The following TNFAIP8 variants were observed in gnomAD, a reference collection of about 807,000 sequenced individuals.
TNFAIP8 encodes the protein TNF alpha induced protein 8.
TNFAIP8 carries 7 observed loss-of-function variants against 13.3 expected under a neutral mutation model. The ratio of observed to expected loss-of-function variants is 0.52; its 90% CI spans 0.30 to 0.99. The LOEUF is 0.99. Ranked by LOEUF, TNFAIP8 falls within the 50% of genes least tolerant of loss-of-function variation. The probability of loss-of-function intolerance (pLI) is 0.07; values close to 1 mark genes in which losing one functional copy is unlikely to be tolerated. For synonymous variants in TNFAIP8, 94 were observed against 87.6 expected, an observed-to-expected ratio of 1.07 and a Z score of -0.41; for missense variants, 258 against 236.9, an observed-to-expected ratio of 1.09 and a Z score of -0.58.
intron 1 of TNFAIP8, among the ~76,000 whole-genome samples, chr5:119,272,008 T>C (rs1047729104): frequency 1.3e-5 from 2 of 152,200 alleles, no homozygotes; most frequent in African/African-American, 4.8e-5. Flanking sequence ...TCAGTTGTGC[T>C]GCCCAGTAGC....
intron 1 of TNFAIP8, among the ~76,000 whole-genome samples, chr5:119,380,965 C>T (rs922231918): frequency 1.3e-5 from 2 of 152,174 alleles, no homozygotes; most frequent in East Asian, 1.9e-4. Flanking sequence ...CTACTCACAG[C>T]ATGCCTTTAT....
intron 1 of TNFAIP8, among the ~76,000 whole-genome samples, chr5:119,329,168 C>A (rs927779396): frequency 3.9e-5 from 6 of 152,248 alleles, no homozygotes; most frequent in Non-Finnish European, 8.8e-5. Context: ...GTTTTCCTCG[C>A]TTGTGAAATG....
chr5:119,373,346 A>G (rs1265556707), intron 1 of TNFAIP8, among the ~76,000 whole-genome samples: 2 of 152,252 alleles, frequency 1.3e-5, no homozygotes, highest in East Asian at 1.9e-4. Flanking sequence ...ATGTACTAAG[A>G]CATTTTTCAT....
At chr5:119,292,671 T>TATATATATATAC in intron 1 of TNFAIP8, among the ~76,000 whole-genome samples, 1 of 37,756 alleles carries the variant, frequency 2.6e-5, no homozygotes, top group South Asian at 8.7e-4. Context: ...TATATATATA[T>TATATATATATAC]ATATATATAT....
chr5:119,381,489 A>G (rs1752481709), intron 1 of TNFAIP8, among the ~76,000 whole-genome samples: 1 of 152,120 alleles, frequency 6.6e-6, no homozygotes, highest in African/African-American at 2.4e-5. Context: ...GCAGTGAGCC[A>G]TGATTGCACC....
chr5:119,379,477 A>G (rs944147947), intron 1 of TNFAIP8, among the ~76,000 whole-genome samples: 10 of 152,254 alleles, frequency 6.6e-5, no homozygotes, highest in African/African-American at 2.4e-4. Flanking sequence ...TACAGGATCA[A>G]TAGCACTCTT....
intron 1 of TNFAIP8, among the ~76,000 whole-genome samples, chr5:119,375,176 A>G (rs1752235628): frequency 6.6e-6 from 1 of 152,230 alleles, no homozygotes; most frequent in African/African-American, 2.4e-5. Context: ...CATAATCCCA[A>G]CAGAAAGCAC....
chr5:119,318,418 C>T (rs1749960380), intron 1 of TNFAIP8, among the ~76,000 whole-genome samples: 1 of 152,026 alleles, frequency 6.6e-6, no homozygotes, highest in Admixed American at 6.6e-5. Context: ...CTTCCTGTGT[C>T]GCTGGGACTA....
At chr5:119,368,485 A>T (rs572154645) in intron 1 of TNFAIP8, among the ~76,000 whole-genome samples, 6 of 145,346 alleles carry the variant, frequency 4.1e-5, no homozygotes, top group Non-Finnish European at 7.6e-5. Flanking sequence ...GTTGGGGTTT[A>T]AGAAGCCTTG....
At chr5:119,385,571 A>G (rs971481572) in intron 1 of TNFAIP8, among the ~76,000 whole-genome samples, 1 of 152,198 alleles carries the variant, frequency 6.6e-6, no homozygotes, top group Non-Finnish European at 1.5e-5. Context: ...GTAGTACTAA[A>G]TCTATTGCTA....
intron 1 of TNFAIP8, among the ~76,000 whole-genome samples, chr5:119,376,571 G>A (rs1202378361): frequency 5.0e-5 from 4 of 80,424 alleles, no homozygotes; most frequent in East Asian, 5.8e-4. Context: ...CACCCCCCCC[G>A]TCTTTCTGCT....
chr5:119,330,640 C>T (rs1378821991), intron 1 of TNFAIP8, among the ~76,000 whole-genome samples: 2 of 152,086 alleles, frequency 1.3e-5, no homozygotes, highest in African/African-American at 2.4e-5. Context: ...CACCCACTTT[C>T]GCAGGGTGTG....
At chr5:119,307,142 G>A (rs1749591556) in intron 1 of TNFAIP8, among the ~76,000 whole-genome samples, 1 of 152,134 alleles carries the variant, frequency 6.6e-6, no homozygotes, top group Non-Finnish European at 1.5e-5. Flanking sequence ...GTTCATATTA[G>A]GAAGGAGAGA....
intron 1 of TNFAIP8, among the ~76,000 whole-genome samples, chr5:119,390,451 A>G (rs972049590): frequency 2.0e-5 from 3 of 152,192 alleles, no homozygotes; most frequent in Non-Finnish European, 4.4e-5. Context: ...CTCTTTTGCA[A>G]ATCATTGAAG....
intron 1 of TNFAIP8, among the ~76,000 whole-genome samples, chr5:119,312,889 A>G (rs1337000954): frequency 2.6e-5 from 4 of 152,202 alleles, no homozygotes; most frequent in African/African-American, 9.6e-5. Flanking sequence ...AAAGTTCTGT[A>G]GATTCTGAAT....
chr5:119,318,870 G>A (rs1749975082), intron 1 of TNFAIP8, among the ~76,000 whole-genome samples: 1 of 152,108 alleles, frequency 6.6e-6, no homozygotes, highest in African/African-American at 2.4e-5. Context: ...GGTTATTTGA[G>A]ACACTAAGCC....
Position 119,377,068 on chromosome 5 carries a change from G to A in TNFAIP8, c.32-15748G>A, listed in dbSNP as rs180833138. ...TAGAATCTGTGCTTCCTGAGAGTAG[G>A]CACTTTGCCTGGCACATAACAGTTG... On this transcript the variant is annotated intron_variant, in intron 1 of 1. Coordinates refer to ENST00000504771, the MANE Select transcript of TNFAIP8 (RefSeq NM_014350.4). Among the ~76,000 whole-genome samples the A allele has an allele frequency of 2.6e-3, 401 of 152,188 alleles. 6 individuals carry two copies. The highest frequency in any genetic ancestry group is 2.2e-3 in the Non-Finnish European group (153 of 68,012).
At chr5:119,341,441 A>G (rs1350776533) in intron 1 of TNFAIP8, among the ~76,000 whole-genome samples, 1 of 152,198 alleles carries the variant, frequency 6.6e-6, no homozygotes, top group Non-Finnish European at 1.5e-5. Context: ...ACAAAAAACT[A>G]CATGAGGTGG....
chr5:119,326,334 G>A (rs1750225012), intron 1 of TNFAIP8, among the ~76,000 whole-genome samples: 1 of 152,206 alleles, frequency 6.6e-6, no homozygotes, highest in Non-Finnish European at 1.5e-5. Flanking sequence ...AGCAGTGACT[G>A]GCTACAGTGT....
Sources: allele counts gnomAD v4.1 joint callset (sites outside exome capture counted in the v4.1 genomes callset), GRCh38; gene constraint gnomAD v4.1.1; transcripts MANE v1.5; gene names NCBI Gene and HGNC (gene_info 2026-07-23, HGNC 2026-07-21).